The following DTNB variants were observed in gnomAD, a reference collection of about 807,000 sequenced individuals.
DTNB encodes the protein DTN-B.
In DTNB, 63 loss-of-function variants were observed where a neutral mutation model predicts 90.7. The ratio of observed to expected loss-of-function variants is 0.69; its 90% CI spans 0.57 to 0.86. DTNB has a LOEUF of 0.86. Among genes scored for constraint, DTNB ranks in the 40% least tolerant of loss-of-function variants. DTNB has a pLI of 0.00. For missense variants in DTNB, 744 were observed against 807.1 expected, an observed-to-expected ratio of 0.92 and a Z score of 0.95; for synonymous variants, 277 against 286.7, an observed-to-expected ratio of 0.97 and a Z score of 0.34.
intron 16 of DTNB, among the ~76,000 whole-genome samples, chr2:25,399,223 A>C (rs1442839475): frequency 1.3e-5 from 2 of 151,070 alleles, no homozygotes; most frequent in East Asian, 3.9e-4. Flanking sequence ...TAATTTTTGT[A>C]TTTTTAGTAG....
chr2:25,447,032 A>G (rs1482015112), intron 12 of DTNB, among the ~76,000 whole-genome samples: 1 of 152,244 alleles, frequency 6.6e-6, no homozygotes, highest in Admixed American at 6.5e-5. Context: ...TTAAATTTCA[A>G]TAACTTTTGT....
intron 9 of DTNB, among the ~76,000 whole-genome samples, chr2:25,486,775 C>G (rs1170238503): frequency 6.6e-6 from 1 of 151,896 alleles, no homozygotes; most frequent in Non-Finnish European, 1.5e-5. Flanking sequence ...ATTATAGAAA[C>G]TTAAAAAAAC....
chr2:25,560,387 A>G (rs1222110355), intron 8 of DTNB, among the ~76,000 whole-genome samples: 5 of 152,250 alleles, frequency 3.3e-5, no homozygotes, highest in Non-Finnish European at 7.3e-5. Context: ...ACTGTGTAAA[A>G]GAGATGGCCT....
At chr2:25,661,123 G>A (rs894770946) in intron 1 of DTNB, among the ~76,000 whole-genome samples, 4 of 152,142 alleles carry the variant, frequency 2.6e-5, no homozygotes, top group African/African-American at 9.7e-5. Context: ...TATGTCTTTT[G>A]CAATTAAGCT....
At chr2:25,494,651 GC>G (rs2068385369) in intron 9 of DTNB, among the ~76,000 whole-genome samples, 1 of 152,162 alleles carries the variant, frequency 6.6e-6, no homozygotes, top group Non-Finnish European at 1.5e-5. Context: ...TTTGAGTCAG[GC>G]TTTACACATG....
At chr2:25,465,221 A>C (rs946396439) in intron 10 of DTNB, among the ~76,000 whole-genome samples, 2 of 151,952 alleles carry the variant, frequency 1.3e-5, no homozygotes, top group African/African-American at 4.8e-5. Flanking sequence ...CTAAAAACAC[A>C]AAAAATTAGC....
intron 8 of DTNB, among the ~76,000 whole-genome samples, chr2:25,575,583 T>G (rs1438958426): frequency 6.6e-6 from 1 of 152,192 alleles, no homozygotes; most frequent in African/African-American, 2.4e-5. Flanking sequence ...AGTGTAGATG[T>G]GGGTTGAAGT....
chr2:25,544,409 G>A lies in DTNB; in HGVS notation c.877-12812C>T, dbSNP rs143456930. 3.0e-3 allele frequency among the ~76,000 whole-genome samples: 459 copies of A among 152,272 alleles called. 3 individuals are homozygous for A. The highest frequency in any genetic ancestry group is 0.01 in the African/African-American group (433 of 41,544). ...GCACAATCTTCAGCTCAGGGTATAC[G>A]CTGACAGGCCCTGACATTGGGAACA... On this transcript the variant is annotated intron_variant, in intron 8 of 20. Transcript: ENST00000406818.
chr2:25,631,729 A>T (rs1234139473), intron 3 of DTNB, among the ~76,000 whole-genome samples: 1 of 152,204 alleles, frequency 6.6e-6, no homozygotes, highest in Admixed American at 6.5e-5. Flanking sequence ...GGAGATATTA[A>T]CTCACCTCTC....
chr2:25,432,208 C>T (rs1204815774), intron 14 of DTNB, among the ~76,000 whole-genome samples: 1 of 44,532 alleles, frequency 2.2e-5, no homozygotes, highest in Non-Finnish European at 3.8e-5. Flanking sequence ...AGAGTGCGTA[C>T]ACACACACAC....
chr2:25,488,131 C>T (rs1024775338), intron 9 of DTNB, among the ~76,000 whole-genome samples: 1 of 152,028 alleles, frequency 6.6e-6, no homozygotes, highest in African/African-American at 2.4e-5. Flanking sequence ...ATAAATATAT[C>T]ATGTAGGATA....
intron 8 of DTNB, among the ~76,000 whole-genome samples, chr2:25,570,940 A>T (rs2059773733): frequency 1.3e-5 from 2 of 152,172 alleles, no homozygotes; most frequent in Admixed American, 6.5e-5. Flanking sequence ...ATATACAATG[A>T]CCTCAACAAC....
chr2:25,424,564 A>C lies in DTNB; in HGVS notation c.1554+2971T>G, dbSNP rs903468365. Among the ~76,000 whole-genome samples, 1 of 152,160 alleles carries C rather than the reference A, an allele frequency of 6.6e-6. No homozygotes were observed. Among genetic ancestry groups the C allele is most frequent in the African/African-American group, 2.4e-5 (1 of 41,416 alleles). On this transcript the variant is annotated intron_variant, in intron 15 of 20. Coordinates refer to ENST00000406818, the MANE Select transcript of DTNB (RefSeq NM_021907.5). This position sits in a 1 kb window ranked among gnomAD's most constrained non-coding sequence, Gnocchi z 4.1. ...TACATAAACCTTTTGCCTTTTACAA[A>C]AATCACACTGGGGCACTGGGACTTT... is the stretch of plus-strand genomic sequence containing the variant.
intron 10 of DTNB, chr2:25,481,507 G>C (rs935796301): frequency 2.6e-5 from 4 of 152,054 alleles, no homozygotes; most frequent in Non-Finnish European, 5.9e-5. Flanking sequence ...CCATGCTCTG[G>C]TGCCCTGTAC....
At chr2:25,405,829 T>C (rs895811377) in intron 16 of DTNB, among the ~76,000 whole-genome samples, 23 of 152,158 alleles carry the variant, frequency 1.5e-4, no homozygotes, top group African/African-American at 5.3e-4. Flanking sequence ...GTGGCCAGTC[T>C]GGTCTGTGCT....
intron 1 of DTNB, chr2:25,653,160 C>CA (rs1559396833): frequency 6.6e-6 from 1 of 152,248 alleles, no homozygotes; most frequent in Non-Finnish European, 1.5e-5. Flanking sequence ...GCTGTGTCCC[C>CA]ATCCAATTCT....
intron 6 of DTNB, among the ~76,000 whole-genome samples, chr2:25,585,538 T>C (rs1348462608): frequency 1.3e-5 from 2 of 152,304 alleles, no homozygotes; most frequent in African/African-American, 4.8e-5. Flanking sequence ...TTCCCATTTT[T>C]AAAAGGGGAG....
chr2:25,662,689 C>A (rs911830406), intron 1 of DTNB, among the ~76,000 whole-genome samples: 9 of 145,648 alleles, frequency 6.2e-5, no homozygotes, highest in Non-Finnish European at 9.1e-5. Flanking sequence ...CAAACACACA[C>A]ACACACACAC....
chr2:25,525,867 G>A (rs2076988428), intron 9 of DTNB, among the ~76,000 whole-genome samples: 1 of 152,030 alleles, frequency 6.6e-6, no homozygotes, highest in Non-Finnish European at 1.5e-5. Flanking sequence ...CTGAAGGAGG[G>A]GTGAGAGGTT....
Sources: allele counts gnomAD v4.1 joint callset (sites outside exome capture counted in the v4.1 genomes callset), GRCh38; gene constraint gnomAD v4.1.1; non-coding constraint Gnocchi (gnomAD v3.1); transcripts MANE v1.5; gene names NCBI Gene and HGNC (gene_info 2026-07-23, HGNC 2026-07-21).